The following SPOCK1 variants were observed in gnomAD, a reference collection of about 807,000 sequenced individuals.
The protein encoded by SPOCK1 is SPARC (osteonectin), cwcv and kazal like domains proteoglycan 1.
SPOCK1 carries 23 observed loss-of-function variants against 55.3 expected under a neutral mutation model. The observed-to-expected ratio is 0.42, with a 90% CI of 0.30 to 0.59. The LOEUF is 0.59. Ranked by LOEUF, SPOCK1 falls within the 20% of genes least tolerant of loss-of-function variation. The probability of loss-of-function intolerance (pLI) is 0.22; values close to 1 mark genes in which losing one functional copy is unlikely to be tolerated. For missense variants in SPOCK1, 499 were observed against 552.5 expected (o/e 0.90, Z 0.97); for synonymous variants, 226 against 221.0 (o/e 1.02, Z -0.20).
intron 2 of SPOCK1, among the ~76,000 whole-genome samples, chr5:137,433,092 C>G (rs1040919359): frequency 2.6e-5 from 4 of 152,180 alleles, no homozygotes; most frequent in African/African-American, 9.7e-5. Context: ...AGATGTAGCA[C>G]CTGCCTTGAA....
At chr5:137,061,687 G>C (rs1752395670) in intron 6 of SPOCK1, among the ~76,000 whole-genome samples, 1 of 129,742 alleles carries the variant, frequency 7.7e-6, no homozygotes, top group Admixed American at 9.7e-5. Flanking sequence ...TGTGCCAACA[G>C]AAGAAAAGAA....
At chr5:137,252,700 T>C (rs1281285431) in intron 3 of SPOCK1, among the ~76,000 whole-genome samples, 4 of 152,238 alleles carry the variant, frequency 2.6e-5, no homozygotes, top group African/African-American at 9.6e-5. Context: ...CTTTGGTGTC[T>C]GAGATAGCAT....
At chr5:137,217,981 G>A (rs1195447208) in intron 3 of SPOCK1, among the ~76,000 whole-genome samples, 3 of 152,146 alleles carry the variant, frequency 2.0e-5, no homozygotes, top group Non-Finnish European at 4.4e-5. Context: ...TGGTTAGAAG[G>A]AGAAGGAGAA....
chr5:137,316,200 C>G (rs987712351), intron 2 of SPOCK1, among the ~76,000 whole-genome samples: 2 of 152,332 alleles, frequency 1.3e-5, no homozygotes, highest in African/African-American at 4.8e-5. Flanking sequence ...CCAAATGCTA[C>G]TGTGTGAAGC....
Position 137,028,377 on chromosome 5 carries a change from G to C in SPOCK1, c.590-35777C>G, listed in dbSNP as rs112202565. 1.1e-4 allele frequency among the ~76,000 whole-genome samples: 17 copies of C among 152,290 alleles called. 1 individual carries two copies. In the Middle Eastern group the frequency reaches 0.02, roughly 183 times the overall value. ...CAGAATACAGGATCTGGCAGAGAAG[G>C]TTCACTGGAAAAAGGTATTATCCAG... On this transcript the variant is annotated intron_variant, in intron 6 of 10. Transcript: ENST00000394945.
At chr5:137,309,847 A>G (rs1757760271) in intron 2 of SPOCK1, among the ~76,000 whole-genome samples, 1 of 152,034 alleles carries the variant, frequency 6.6e-6, no homozygotes, top group Non-Finnish European at 1.5e-5. Flanking sequence ...TCAAACAGTG[A>G]GTACCCCCCA....
intron 3 of SPOCK1, among the ~76,000 whole-genome samples, chr5:137,151,879 C>T (rs1403593324): frequency 6.6e-6 from 1 of 152,134 alleles, no homozygotes; most frequent in Non-Finnish European, 1.5e-5. Context: ...TACTTTCATC[C>T]CTCTCACTGT....
intron 3 of SPOCK1, among the ~76,000 whole-genome samples, chr5:137,220,715 A>G (rs78536597): frequency 0.017 from 2,593 of 152,312 alleles, 44 homozygotes; most frequent in Middle Eastern, 0.027. Flanking sequence ...TTAGATAGGA[A>G]TCACTGCTCA....
chr5:137,365,932 C>T (rs1057147456), intron 2 of SPOCK1, among the ~76,000 whole-genome samples: 10 of 152,252 alleles, frequency 6.6e-5, no homozygotes, highest in East Asian at 1.9e-4. Flanking sequence ...CACACAACGA[C>T]GCACAAAAGT....
At chr5:137,256,741 G>A (rs1374155621) in intron 3 of SPOCK1, among the ~76,000 whole-genome samples, 1 of 152,022 alleles carries the variant, frequency 6.6e-6, no homozygotes, top group Non-Finnish European at 1.5e-5. Flanking sequence ...CCAACTCTGC[G>A]AGGCACTGCC....
At chr5:137,495,944 G>A (rs1414755551) in intron 2 of SPOCK1, among the ~76,000 whole-genome samples, 1 of 152,140 alleles carries the variant, frequency 6.6e-6, no homozygotes, top group Admixed American at 6.5e-5. Context: ...AACATTTTTA[G>A]ATGTTTTAAT....
intron 4 of SPOCK1, among the ~76,000 whole-genome samples, chr5:137,133,721 G>A (rs1388281705): frequency 6.6e-6 from 1 of 152,112 alleles, no homozygotes; most frequent in Non-Finnish European, 1.5e-5. Context: ...GGCGATTGTG[G>A]GTTTAAAGTA....
intron 3 of SPOCK1, among the ~76,000 whole-genome samples, chr5:137,203,921 T>C (rs1415838672): frequency 6.6e-6 from 1 of 152,222 alleles, no homozygotes; most frequent in East Asian, 1.9e-4. Context: ...AATGTAGATG[T>C]GCCACCACTT....
chr5:137,233,291 G>C (rs10078040), intron 3 of SPOCK1, among the ~76,000 whole-genome samples: 71,445 of 152,012 alleles, frequency 0.47, 16,967 homozygotes, highest in Middle Eastern at 0.51. Context: ...TTATTTTCCT[G>C]AATCTAAATG....
At chr5:137,127,114 G>C (rs1002822850) in intron 4 of SPOCK1, among the ~76,000 whole-genome samples, 1 of 152,204 alleles carries the variant, frequency 6.6e-6, no homozygotes, top group Non-Finnish European at 1.5e-5. Context: ...GTCAGCCATC[G>C]CAACAGAAGC....
intron 2 of SPOCK1, among the ~76,000 whole-genome samples, chr5:137,305,862 G>A (rs1244114177): frequency 1.3e-5 from 2 of 152,204 alleles, no homozygotes; most frequent in Non-Finnish European, 2.9e-5. Context: ...GCAGGCCCTA[G>A]CAATGCATTC....
intron 5 of SPOCK1, among the ~76,000 whole-genome samples, chr5:137,069,150 A>T (rs1460724112): frequency 6.6e-6 from 1 of 152,238 alleles, no homozygotes; most frequent in Non-Finnish European, 1.5e-5. Context: ...TCATTGTAAG[A>T]GGACAAGCTA....
chr5:137,397,868 C>A (rs1255422667), intron 2 of SPOCK1, among the ~76,000 whole-genome samples: 1 of 152,184 alleles, frequency 6.6e-6, no homozygotes, highest in Non-Finnish European at 1.5e-5. Context: ...CACACCCACC[C>A]TCCTGTCCAC....
intron 2 of SPOCK1, among the ~76,000 whole-genome samples, chr5:137,389,598 C>G (rs868055691): frequency 9.8e-5 from 15 of 152,360 alleles, no homozygotes; most frequent in African/African-American, 3.1e-4. Context: ...AGAGCACTTG[C>G]AGGTCTGTCC....
Sources: allele counts gnomAD v4.1 joint callset (sites outside exome capture counted in the v4.1 genomes callset), GRCh38; gene constraint gnomAD v4.1.1; transcripts MANE v1.5; gene names NCBI Gene and HGNC (gene_info 2026-07-23, HGNC 2026-07-21).